The following JMJD1C variants were observed in gnomAD, a reference collection of about 807,000 sequenced individuals.
The protein encoded by JMJD1C is jumonji domain containing 1C.
JMJD1C carries 31 observed loss-of-function variants against 245.3 expected under a neutral mutation model. That is an observed-to-expected ratio of 0.13 (90% CI 0.09 to 0.17). The LOEUF (loss-of-function observed/expected upper bound fraction) is 0.17. JMJD1C is among the 10% of genes least tolerant of loss of function. The probability of loss-of-function intolerance (pLI) is 1.00; values close to 1 mark genes in which losing one functional copy is unlikely to be tolerated. For synonymous variants in JMJD1C, 1,057 were observed against 1,017.4 expected (o/e 1.04, Z -0.74); for missense variants, 2,691 against 3,000.2 (o/e 0.90, Z 2.41).
At chr10:63,187,294 C>G (rs577958648) in intron 18 of JMJD1C, among the ~76,000 whole-genome samples, 8 of 152,208 alleles carry the variant, frequency 5.3e-5, no homozygotes, top group Admixed American at 5.2e-4. Flanking sequence ...AGATTAATTC[C>G]TAGTGCCTAG....
At chr10:63,516,455 C>G (rs528463629) in intron 1 of JMJD1C, among the ~76,000 whole-genome samples, 1 of 152,242 alleles carries the variant, frequency 6.6e-6, no homozygotes, top group East Asian at 1.9e-4. Flanking sequence ...ATACCACAAC[C>G]CCATATGCAC....
chr10:63,245,912 A>C (rs1034597580), intron 3 of JMJD1C, among the ~76,000 whole-genome samples: 2 of 152,230 alleles, frequency 1.3e-5, no homozygotes, highest in African/African-American at 2.4e-5. Flanking sequence ...TGGGAGTTAC[A>C]ATTCAAGATG....
intron 21 of JMJD1C, among the ~76,000 whole-genome samples, chr10:63,183,857 T>C (rs1017542376): frequency 1.3e-5 from 2 of 152,210 alleles, no homozygotes; most frequent in African/African-American, 2.4e-5. Flanking sequence ...TGTTGCTTCA[T>C]ATAAAAAAGG....
chr10:63,220,614 C>A (rs1037311949), intron 3 of JMJD1C, among the ~76,000 whole-genome samples: 3 of 152,132 alleles, frequency 2.0e-5, no homozygotes, highest in Non-Finnish European at 4.4e-5. Context: ...ACAACCAATT[C>A]TCTCTCATTG....
chr10:63,344,309 C>T (rs929922549), intron 2 of JMJD1C, among the ~76,000 whole-genome samples: 1 of 152,086 alleles, frequency 6.6e-6, no homozygotes, highest in Non-Finnish European at 1.5e-5. Context: ...CTAAAATATT[C>T]AGTACAGTAA....
intron 2 of JMJD1C, among the ~76,000 whole-genome samples, chr10:63,330,818 A>G (rs951718532): frequency 2.0e-5 from 3 of 152,144 alleles, no homozygotes; most frequent in Non-Finnish European, 2.9e-5. Context: ...TTCATCTTCA[A>G]TGCTCCACTA....
At position 63,207,495 on chromosome 10, in the gene JMJD1C, A is replaced by G. The variant is rs1267931754; in HGVS notation, c.4174T>C (p.Cys1392Arg). The G allele has an allele frequency of 6.2e-7, 1 of 1,614,232 alleles. No homozygotes were observed. The highest frequency in any genetic ancestry group is 8.5e-7 in the Non-Finnish European group (1 of 1,180,030). ...SSVMSAVNTM[C>R]NTKTDVITSA... ...GTGATTACATCCGTTTTGGTATTAC[A>G]CATCGTATTTACAGCAGACATGACT... Residue 1392 changes from cysteine to arginine, a missense_variant, in exon 10 of 26, where the codon TGT becomes CGT. Transcript: ENST00000399262.
At chr10:63,335,021 T>TG (rs1473932001) in intron 2 of JMJD1C, among the ~76,000 whole-genome samples, 58 of 35,366 alleles carry the variant, frequency 1.6e-3, no homozygotes, top group African/African-American at 7.4e-3. Context: ...ACTCTGTCTT[T>TG]GGAAAAAAAT....
chr10:63,474,718 G>T (rs1323487388), intron 1 of JMJD1C, among the ~76,000 whole-genome samples: 1 of 152,086 alleles, frequency 6.6e-6, no homozygotes. Flanking sequence ...CCAAAGTGCT[G>T]GGACTGCAGG....
chr10:63,395,624 A>G (rs573470852), intron 1 of JMJD1C, among the ~76,000 whole-genome samples: 1 of 152,372 alleles, frequency 6.6e-6, no homozygotes, highest in East Asian at 1.9e-4. Flanking sequence ...CATGTGAAAT[A>G]ACCTATATTT....
intron 3 of JMJD1C, among the ~76,000 whole-genome samples, chr10:63,220,649 G>A (rs1564632833): frequency 1.3e-5 from 2 of 152,146 alleles, no homozygotes; most frequent in Non-Finnish European, 1.5e-5. Context: ...ACAGTCACGT[G>A]ATTTCCCACA....
intron 1 of JMJD1C, among the ~76,000 whole-genome samples, chr10:63,380,716 T>G (rs1947146163): frequency 6.6e-6 from 1 of 152,204 alleles, no homozygotes; most frequent in Non-Finnish European, 1.5e-5. Context: ...ATACAATAAA[T>G]TATTGCTAAC....
At chr10:63,466,875 CTTAT>C (rs1953312519), upstream of JMJD1C, among the ~76,000 whole-genome samples, 1 of 152,312 alleles carries the variant, frequency 6.6e-6, no homozygotes, top group Non-Finnish European at 1.5e-5. Flanking sequence ...CTTTGATCAA[CTTAT>C]TTGTTATAAA....
intron 2 of JMJD1C, among the ~76,000 whole-genome samples, chr10:63,364,434 T>C (rs760203388): frequency 2.6e-5 from 4 of 152,246 alleles, no homozygotes; most frequent in Non-Finnish European, 4.4e-5. Flanking sequence ...CCATTATCTC[T>C]TACTGTTCAT....
At position 63,264,660 on chromosome 10, in the gene JMJD1C, C is replaced by A. The variant is rs767647519; in HGVS notation, c.438G>T (p.Gln146His). The A allele has an allele frequency of 2.7e-6, 4 of 1,495,340 alleles. No homozygotes were observed. In the East Asian group the frequency reaches 7.1e-5, roughly 27 times the overall value. 92.6% of individuals were successfully genotyped at this position (1,495,340 alleles called of 1,614,324 possible). A position where few individuals can be genotyped will look rare whatever the true frequency, so the allele number is the denominator to read the frequency against. Residue 146 changes from glutamine to histidine, a missense_variant, in exon 3 of 26, where the codon CAG becomes CAT. Physicochemically the swap from Gln to His is conservative, Grantham distance 24. This residue lies in a region of JMJD1C where 172 missense variants were observed against 240.8 expected (regional missense o/e 0.71). Coordinates refer to ENST00000399262, the MANE Select transcript of JMJD1C (RefSeq NM_032776.3). The part of the protein sequence containing the change: ...LDFLTEDSAF[Q>H]PYQDDIDSLN... ...ATCTAAAATTTCTTACCTGGTAGGG[C>A]TGAAAGGCACTATCTTCAGTTAAAA...
At chr10:63,203,885 A>G in intron 10 of JMJD1C, 1 of 981,730 alleles carries the variant, frequency 1.0e-6, no homozygotes, top group Non-Finnish European at 1.2e-6. Flanking sequence ...ATGACTGATG[A>G]CAATTCTACT....
At chr10:63,351,655 T>C (rs1944371464) in intron 2 of JMJD1C, among the ~76,000 whole-genome samples, 1 of 152,138 alleles carries the variant, frequency 6.6e-6, no homozygotes, top group Non-Finnish European at 1.5e-5. Flanking sequence ...AATCACCCTC[T>C]GTTCATGCAA....
intron 1 of JMJD1C, among the ~76,000 whole-genome samples, chr10:63,517,932 A>C (rs1239516443): frequency 6.6e-5 from 10 of 151,906 alleles, no homozygotes; most frequent in Non-Finnish European, 1.2e-4. Context: ...AGCTGGGATT[A>C]CAGGTGTGCA....
intron 1 of JMJD1C, among the ~76,000 whole-genome samples, chr10:63,472,286 C>G (rs1357838486): frequency 6.6e-6 from 1 of 152,010 alleles, no homozygotes; most frequent in Non-Finnish European, 1.5e-5. Context: ...GCTTTTATAT[C>G]TAAATTTGCA....
Sources: allele counts gnomAD v4.1 joint callset (sites outside exome capture counted in the v4.1 genomes callset), GRCh38; gene constraint gnomAD v4.1.1; regional missense constraint gnomAD v4.1.1; transcripts MANE v1.5; gene names NCBI Gene and HGNC (gene_info 2026-07-23, HGNC 2026-07-21).